Variants in CDH12 observed in about 807,000 individuals in gnomAD.
CDH12 encodes cadherin 12.
In CDH12, 41 loss-of-function variants were observed where a neutral mutation model predicts 74.1. That is an observed-to-expected ratio of 0.55 (90% confidence interval 0.43 to 0.72). The LOEUF is 0.72. Among genes scored for constraint, CDH12 ranks in the 30% least tolerant of loss-of-function variants. The pLI, the probability that CDH12 is intolerant of heterozygous loss-of-function variation, is 0.00. For synonymous variants in CDH12, 399 were observed against 355.0 expected (o/e 1.12, Z -1.39); for missense variants, 945 against 977.2 (o/e 0.97, Z 0.44).
At chr5:21,880,603 C>CT (rs1752239441) in intron 6 of CDH12, among the ~76,000 whole-genome samples, 2 of 62,314 alleles carry the variant, frequency 3.2e-5, no homozygotes, top group South Asian at 6.9e-4. Flanking sequence ...TTCCTTCCTT[C>CT]CTTCCTTCCT....
At chr5:22,705,101 A>C (rs1194604559) in intron 1 of CDH12, among the ~76,000 whole-genome samples, 5 of 143,880 alleles carry the variant, frequency 3.5e-5, no homozygotes, top group Non-Finnish European at 7.5e-5. Context: ...TCTCAGTCAT[A>C]TTTCCCCACC....
chr5:21,791,193 A>G (rs1340252409), intron 10 of CDH12, among the ~76,000 whole-genome samples: 1 of 152,048 alleles, frequency 6.6e-6, no homozygotes, highest in Non-Finnish European at 1.5e-5. Context: ...TCTATATGTG[A>G]CTGACTAAAA....
At chr5:22,212,721 G>C (rs1055012962) in intron 3 of CDH12, 78 bp from the exon 4 acceptor site, 4 of 355,332 alleles carry the variant, frequency 1.1e-5, no homozygotes, top group African/African-American at 4.4e-5. Context: ...GTTTCTGAAC[G>C]GGAGATTCTC....
intron 1 of CDH12, among the ~76,000 whole-genome samples, chr5:22,731,801 C>A (rs926698554): frequency 8.6e-5 from 13 of 151,946 alleles, no homozygotes; most frequent in Non-Finnish European, 1.5e-4. Flanking sequence ...GTTCTCTAAA[C>A]ATCTTTCAGT....
chr5:21,902,949 G>A (rs113324086), intron 6 of CDH12, among the ~76,000 whole-genome samples: 24 of 152,018 alleles, frequency 1.6e-4, no homozygotes, highest in African/African-American at 3.9e-4. Flanking sequence ...ATAAGACTGC[G>A]CATTCAAATT....
intron 4 of CDH12, among the ~76,000 whole-genome samples, chr5:22,091,342 C>A (rs1028558934): frequency 1.3e-5 from 2 of 148,750 alleles, no homozygotes; most frequent in Non-Finnish European, 3.0e-5. Context: ...AGAGGCCTGG[C>A]AGCATACAAG....
chr5:22,288,581 T>C (rs1737255635), intron 3 of CDH12, among the ~76,000 whole-genome samples: 1 of 152,170 alleles, frequency 6.6e-6, no homozygotes, highest in Admixed American at 6.5e-5. Context: ...GAAGAATAAG[T>C]TAGTGACTAA....
chr5:21,866,965 C>T (rs1273156771), intron 6 of CDH12, among the ~76,000 whole-genome samples: 1 of 152,064 alleles, frequency 6.6e-6, no homozygotes, highest in East Asian at 1.9e-4. Context: ...CTAAAAAGGG[C>T]CAATGTACAG....
At chr5:22,066,181 G>C (rs1172370381) in intron 5 of CDH12, among the ~76,000 whole-genome samples, 1 of 152,018 alleles carries the variant, frequency 6.6e-6, no homozygotes, top group Non-Finnish European at 1.5e-5. Context: ...TATTTCCATA[G>C]GTTTTTGGGG....
At chr5:22,816,938 T>A (rs968450352) in intron 1 of CDH12, among the ~76,000 whole-genome samples, 6 of 152,164 alleles carry the variant, frequency 3.9e-5, no homozygotes, top group African/African-American at 1.4e-4. Flanking sequence ...AACCCTTCCA[T>A]AACAACTTGA....
rs892343836 is a variant in CDH12 at position 22,124,404 on chromosome 5, G to A, written c.-186-45542C>T. Among the ~76,000 whole-genome samples the A allele has an allele frequency of 3.3e-5, 5 of 152,130 alleles. No individual in the cohort carries two copies. The East Asian group carries it at 5.8e-4, about 18-fold the overall frequency. On this transcript the variant is annotated intron_variant, in intron 4 of 14. Coordinates refer to ENST00000382254, the MANE Select transcript of CDH12 (RefSeq NM_004061.5). The stretch of plus-strand genomic sequence containing the variant: ...CTCCCAAAGTGCTGGGATTACAGGC[G>A]TGAGCCACCATGCCCGGCCTTGCTT...
At chr5:22,494,872 G>A (rs1747037397) in intron 2 of CDH12, among the ~76,000 whole-genome samples, 1 of 152,122 alleles carries the variant, frequency 6.6e-6, no homozygotes, top group African/African-American at 2.4e-5. Context: ...TTCAATTTAA[G>A]GTGTAGTGAT....
At chr5:22,817,038 C>T (rs1367519723) in intron 1 of CDH12, among the ~76,000 whole-genome samples, 2 of 152,140 alleles carry the variant, frequency 1.3e-5, no homozygotes, top group Non-Finnish European at 2.9e-5. Context: ...CTAAATTGAT[C>T]TCCCTATACC....
At chr5:22,527,483 G>T (rs1217361023) in intron 1 of CDH12, among the ~76,000 whole-genome samples, 4 of 152,108 alleles carry the variant, frequency 2.6e-5, no homozygotes, top group Admixed American at 2.6e-4. Flanking sequence ...CAGTGCCATA[G>T]GCCTGTGCAA....
In CDH12 at chr5:21,968,316, T is replaced by A. The variant is rs1198755105; in HGVS notation, c.526+6775A>T. On this transcript the variant is annotated intron_variant, in intron 6 of 14. Coordinates refer to ENST00000382254, the MANE Select transcript of CDH12 (RefSeq NM_004061.5). ...CTTGCAATAACCCTCTCATAAAGTG[T>A]TACTATTATTCACTTGCAGGTGAGA... is the stretch of plus-strand genomic sequence containing the variant. 7.2e-5 allele frequency among the ~76,000 whole-genome samples: 11 copies of A among 152,162 alleles called. No individual in the cohort carries two copies. In the East Asian group the frequency reaches 2.1e-3, roughly 29 times the overall value.
intron 2 of CDH12, among the ~76,000 whole-genome samples, chr5:22,440,898 G>A (rs1457089195): frequency 1.3e-5 from 2 of 152,060 alleles, no homozygotes; most frequent in African/African-American, 2.4e-5. Context: ...ACGGAAATAC[G>A]GACATTTTAA....
intron 1 of CDH12, among the ~76,000 whole-genome samples, chr5:22,590,922 G>A (rs199772931): frequency 2.0e-5 from 3 of 152,068 alleles, no homozygotes; most frequent in Non-Finnish European, 2.9e-5. Context: ...TTGGCGGCTT[G>A]TCCTGAAGAT....
intron 1 of CDH12, among the ~76,000 whole-genome samples, chr5:22,791,529 A>G (rs1180043399): frequency 6.6e-6 from 1 of 152,174 alleles, no homozygotes; most frequent in Non-Finnish European, 1.5e-5. Context: ...ATGAGACTAT[A>G]TGGAACTTAA....
chr5:22,586,115 A>T (rs1356810989), intron 1 of CDH12, among the ~76,000 whole-genome samples: 2 of 152,194 alleles, frequency 1.3e-5, no homozygotes, highest in Non-Finnish European at 2.9e-5. Flanking sequence ...GATAGACTGG[A>T]TTAAGAAAAT....
Sources: gnomAD v4.1 joint callset for allele counts (sites outside exome capture counted in the v4.1 genomes callset) on GRCh38, gnomAD v4.1.1 for gene constraint, MANE v1.5 for transcripts, NCBI Gene and HGNC (gene_info 2026-07-23, HGNC 2026-07-21) for gene names.